Variants in LHPP observed in about 807,000 individuals in gnomAD.
LHPP encodes the protein hLHPP.
In LHPP, 24 loss-of-function variants were observed where a neutral mutation model predicts 30.3. The ratio of observed to expected loss-of-function variants is 0.79; its 90% CI spans 0.57 to 1.11. The LOEUF is 1.11. LHPP is among the 50% of genes most tolerant of loss of function. The probability of loss-of-function intolerance (pLI) is 0.00; values close to 1 mark genes in which losing one functional copy is unlikely to be tolerated. For missense variants in LHPP, 356 were observed against 367.2 expected (o/e 0.97, Z 0.25); for synonymous variants, 150 against 157.1 (o/e 0.95, Z 0.34).
rs372887940 is a variant in LHPP at position 124,564,150 on chromosome 10, G to C, written c.716+46879G>C. 4.6e-5 allele frequency among the ~76,000 whole-genome samples: 7 copies of C among 150,550 alleles called. No homozygotes were observed. The East Asian group carries it at 1.4e-3, about 29-fold the overall frequency. ...ATTTTTTTTTTTTTTTTGAGACGGA[G>C]TCTCGCTCTGTCACCCAGGCTGGAG... is the stretch of plus-strand genomic sequence containing the variant. On this transcript the variant is annotated intron_variant, in intron 6 of 6. Transcript: ENST00000368842.
At chr10:124,480,354 T>C (rs551541225) in intron 1 of LHPP, among the ~76,000 whole-genome samples, 11 of 152,344 alleles carry the variant, frequency 7.2e-5, no homozygotes, top group South Asian at 2.1e-4. Context: ...AATGAACTTA[T>C]ATTGCTATTT....
chr10:124,491,769 AC>A (rs35435707), intron 3 of LHPP, among the ~76,000 whole-genome samples: 23,348 of 152,130 alleles, frequency 0.15, 2,207 homozygotes, highest in Non-Finnish European at 0.2. Context: ...TACTAAAAAT[AC>A]AAAAATTAGC....
intron 5 of LHPP, among the ~76,000 whole-genome samples, chr10:124,511,605 G>A (rs1012620916): frequency 6.6e-6 from 1 of 152,294 alleles, no homozygotes; most frequent in East Asian, 1.9e-4. Context: ...TTCTCTGAGG[G>A]AGGCCCCTCT....
At chr10:124,604,206 G>A (rs540453571) in intron 6 of LHPP, among the ~76,000 whole-genome samples, 5 of 152,302 alleles carry the variant, frequency 3.3e-5, no homozygotes, top group Non-Finnish European at 5.9e-5. Flanking sequence ...GACGGAGGTC[G>A]GAGCAGCCTG....
At chr10:124,555,882 C>T (rs1308635587) in intron 6 of LHPP, among the ~76,000 whole-genome samples, 1 of 152,184 alleles carries the variant, frequency 6.6e-6, no homozygotes, top group African/African-American at 2.4e-5. Context: ...AACCTGCACC[C>T]AAGTCCTCAG....
At position 124,592,912 on chromosome 10, in the gene LHPP, C is replaced by T. The variant is rs536723897; in HGVS notation, c.717-20352C>T. On this transcript the variant is annotated intron_variant, in intron 6 of 6. Transcript: ENST00000368842. This position sits in a 1 kb window ranked among gnomAD's most constrained non-coding sequence, Gnocchi z 6.2. ...GGCACAATCGGCCCAGTGTGGGGCG[C>T]ACCGCCCCAGGCAGGCTGGCGTCCC... Among the ~76,000 whole-genome samples the T allele has an allele frequency of 1.2e-4, 19 of 152,328 alleles. No homozygotes were observed. The highest frequency in any genetic ancestry group is 4.3e-4 in the African/African-American group (18 of 41,584).
At chr10:124,544,304 A>C (rs1030222155) in intron 6 of LHPP, among the ~76,000 whole-genome samples, 4 of 152,208 alleles carry the variant, frequency 2.6e-5, no homozygotes, top group African/African-American at 7.2e-5. Context: ...CTCTGGAACC[A>C]GGGGTGGGAG....
Position 124,498,107 on chromosome 10 carries a change from G to C in LHPP, c.603G>C (p.Ala201=). ...AGTTTTTCAAGTCTGCCCTGCAAGC[G>C]ATAGGAGTGGAAGCCCACCAGGTAG... is the stretch of plus-strand genomic sequence containing the variant. The part of the protein sequence containing the change: ...SPEFFKSALQ[A]IGVEAHQAVM... The change falls in exon 5 of 7, where the codon GCG becomes GCC. Residue 201 remains alanine (A), a synonymous_variant. Transcript: ENST00000368842. 1 of 1,613,784 alleles carries C rather than the reference G, an allele frequency of 6.2e-7. No homozygotes were observed. Among genetic ancestry groups the C allele is most frequent in the Middle Eastern group, 1.7e-4 (1 of 6,050 alleles).
intron 6 of LHPP, chr10:124,526,281 G>T (rs1954732704): frequency 1.0e-6 from 1 of 974,666 alleles, no homozygotes; most frequent in Non-Finnish European, 1.2e-6. Context: ...CTCATGGCGG[G>T]GCCAGTGCTC....
chr10:124,492,771 T>C (rs1326366168), intron 3 of LHPP, among the ~76,000 whole-genome samples: 2 of 152,238 alleles, frequency 1.3e-5, no homozygotes, highest in African/African-American at 4.8e-5. Context: ...CCACAGAACC[T>C]GGCCTCTTAA....
rs1371691849 is a variant in LHPP at position 124,541,562 on chromosome 10, G to A, written c.716+24291G>A. On this transcript the variant is annotated intron_variant, in intron 6 of 6. Transcript: ENST00000368842. This position sits in a 1 kb window ranked among gnomAD's most constrained non-coding sequence, Gnocchi z 4.2. Reference sequence around the variant, plus strand: ...TATCTCGAATGGCAGGCTGAGGCTCGAAAGTCTCATGCCTGTCTGCAGGAC... The same window carrying A: ...TATCTCGAATGGCAGGCTGAGGCTCAAAAGTCTCATGCCTGTCTGCAGGAC... Among the ~76,000 whole-genome samples, 2 of 151,972 alleles carry A rather than the reference G, an allele frequency of 1.3e-5. No homozygotes were observed. Among genetic ancestry groups the A allele is most frequent in the African/African-American group, 4.8e-5 (2 of 41,340 alleles).
intron 6 of LHPP, among the ~76,000 whole-genome samples, chr10:124,529,386 A>C (rs1368085289): frequency 3.3e-5 from 5 of 152,096 alleles, no homozygotes; most frequent in African/African-American, 7.2e-5. Flanking sequence ...CCATGCACCC[A>C]CCACTCACGA....
chr10:124,588,042 C>T (rs73375223), intron 6 of LHPP, among the ~76,000 whole-genome samples: 7,218 of 152,318 alleles, frequency 0.047, 529 homozygotes, highest in African/African-American at 0.16. Flanking sequence ...GACAGCCCCA[C>T]TGCCACTGCC....
chr10:124,534,464 C>T (rs1954974076), intron 6 of LHPP, among the ~76,000 whole-genome samples: 1 of 152,230 alleles, frequency 6.6e-6, no homozygotes, highest in Admixed American at 6.5e-5. Context: ...TCAGCCTGAC[C>T]AGCCCTGGCC....
intron 5 of LHPP, chr10:124,498,644 GTTTTC>G (rs1953802704): frequency 3.3e-5 from 20 of 612,656 alleles, no homozygotes; most frequent in South Asian, 3.2e-4. Flanking sequence ...CCTCCAGTGG[GTTTTC>G]TTTTCTTTTT....
intron 1 of LHPP, among the ~76,000 whole-genome samples, chr10:124,464,465 G>C (rs1456198472): frequency 6.6e-6 from 1 of 152,196 alleles, no homozygotes; most frequent in Non-Finnish European, 1.5e-5. Flanking sequence ...GCTGGGAACT[G>C]GGAACAGGGA....
chr10:124,478,790 C>T lies in LHPP; in HGVS notation c.126-5349C>T, dbSNP rs75650219. ...TTGGGCCAGGCGCGGTGGCTCAGGCCGGGTGCCATGGCTCACGCCTGTAAT... is the reference window on the plus strand; with the variant it reads ...TTGGGCCAGGCGCGGTGGCTCAGGCTGGGTGCCATGGCTCACGCCTGTAAT... On this transcript the variant is annotated intron_variant, in intron 1 of 6. Transcript: ENST00000368842. The surrounding 1 kb of genome is among the most constrained non-coding windows in gnomAD (Gnocchi z 4.7). Among the ~76,000 whole-genome samples, 1,932 of 152,278 alleles carry T rather than the reference C, an allele frequency of 0.013. 77 individuals are homozygous for T. In the East Asian group the frequency reaches 0.14, roughly 11 times the overall value.
At chr10:124,575,055 A>G (rs148795767) in intron 6 of LHPP, among the ~76,000 whole-genome samples, 1 of 152,318 alleles carries the variant, frequency 6.6e-6, no homozygotes, top group African/African-American at 2.4e-5. Flanking sequence ...GCCTCGAAAC[A>G]GAGCCCTTGG....
intron 6 of LHPP, among the ~76,000 whole-genome samples, chr10:124,607,907 G>C (rs565086315): frequency 1.3e-5 from 2 of 152,314 alleles, no homozygotes; most frequent in South Asian, 4.1e-4. Context: ...TGGCGGCTGC[G>C]AGCAGTGCTT....
Sources: allele counts gnomAD v4.1 joint callset (sites outside exome capture counted in the v4.1 genomes callset), GRCh38; gene constraint gnomAD v4.1.1; non-coding constraint Gnocchi (gnomAD v3.1); transcripts MANE v1.5; gene names NCBI Gene and HGNC (gene_info 2026-07-23, HGNC 2026-07-21).